The following ZNF280D variants were observed in gnomAD, a reference collection of about 807,000 sequenced individuals.
The protein encoded by ZNF280D is suppressor of hairy wing homolog 4.
In ZNF280D, 39 loss-of-function variants were observed where a neutral mutation model predicts 94.7. The observed-to-expected ratio is 0.41, with a 90% confidence interval of 0.32 to 0.54. The LOEUF is 0.54. Ranked by LOEUF, ZNF280D falls within the 20% of genes least tolerant of loss-of-function variation. The pLI is 0.22. For synonymous variants in ZNF280D, 398 were observed against 377.6 expected, an observed-to-expected ratio of 1.05 and a Z score of -0.63; for missense variants, 1,090 against 1,149.3, an observed-to-expected ratio of 0.95 and a Z score of 0.75.
chr15:56,713,033 C>T (rs1261764101), intron 1 of ZNF280D, among the ~76,000 whole-genome samples: 2 of 152,060 alleles, frequency 1.3e-5, no homozygotes, highest in Admixed American at 1.3e-4. Context: ...AGCCACCATG[C>T]CCGGTCAAAT....
chr15:56,686,053 A>C (rs781495730), intron 9 of ZNF280D, among the ~76,000 whole-genome samples: 1 of 152,234 alleles, frequency 6.6e-6, no homozygotes, highest in Non-Finnish European at 1.5e-5. Context: ...GTCTAACATC[A>C]AAGTAGAATT....
chr15:56,669,131 G>C (rs1458181619), intron 13 of ZNF280D, among the ~76,000 whole-genome samples, 174 bp from the exon 14 acceptor site: 1 of 151,914 alleles, frequency 6.6e-6, no homozygotes. Context: ...CATTACATTA[G>C]TATTTGGGTT....
chr15:56,687,482 C>A (rs1165389476), intron 9 of ZNF280D, among the ~76,000 whole-genome samples: 1 of 151,748 alleles, frequency 6.6e-6, no homozygotes, highest in African/African-American at 2.4e-5. Flanking sequence ...AGAAAGAAAC[C>A]CAGGGAGCAT....
chr15:56,698,556 T>C (rs796571520), intron 6 of ZNF280D: 11 of 152,300 alleles, frequency 7.2e-5, no homozygotes, highest in African/African-American at 2.6e-4. Context: ...CATGTAAATG[T>C]CATTACCCAT....
rs149395461 is a variant in ZNF280D at position 56,716,161 on chromosome 15, T to C, written c.-85-8855A>G. Among the ~76,000 whole-genome samples, 1,124 of 152,144 alleles carry C rather than the reference T, an allele frequency of 7.4e-3. 9 individuals are homozygous for C. Among genetic ancestry groups the C allele is most frequent in the Middle Eastern group, 0.024 (7 of 294 alleles). On this transcript the variant is annotated intron_variant, in intron 1 of 21. Transcript: ENST00000267807. ...GTACTGATTGAACATTTACTGTGTGTCGGGTAGGAATACAATAATGAACAA... is the reference window on the plus strand; with the variant it reads ...GTACTGATTGAACATTTACTGTGTGCCGGGTAGGAATACAATAATGAACAA...
chr15:56,715,331 T>C (rs1476364638), intron 1 of ZNF280D, among the ~76,000 whole-genome samples: 1 of 152,118 alleles, frequency 6.6e-6, no homozygotes, highest in Non-Finnish European at 1.5e-5. Flanking sequence ...ATACAGTGTA[T>C]ATAAAGTACA....
rs148727167 is a variant in ZNF280D at position 56,686,978 on chromosome 15, CATT to C, written c.780+2060_780+2062del. On this transcript the variant is annotated intron_variant, in intron 9 of 21. Coordinates refer to ENST00000267807, the MANE Select transcript of ZNF280D (RefSeq NM_017661.4). ...TAAATATTTTTCCATTGAAAGAAAA[CATT>C]ATATGCTAGTTGGCAAAAAAATCAT... 0.013 allele frequency among the ~76,000 whole-genome samples: 1,914 copies of C among 152,044 alleles called. 200 individuals are homozygous for C. The East Asian group carries it at 0.26, about 21-fold the overall frequency.
At chr15:56,669,935 AT>A (rs1459995473) in intron 13 of ZNF280D, among the ~76,000 whole-genome samples, 301 of 8,732 alleles carry the variant, frequency 0.034, 82 homozygotes, top group African/African-American at 0.11. Flanking sequence ...TTATATATAT[AT>A]TATATATATA....
rs149869177 is a variant in ZNF280D, at chr15:56,719,477, C to T, written c.-85-12171G>A. ...AGTGGATGCAGCCTGAGGCCCTCAC[C>T]AGAAGCCAAGCAGATGCTGGTACCA... On this transcript the variant is annotated intron_variant, in intron 1 of 21. Transcript: ENST00000267807. 3.9e-5 allele frequency among the ~76,000 whole-genome samples: 6 copies of T among 152,262 alleles called. No individual in the cohort carries two copies. In the East Asian group the frequency reaches 1.2e-3, roughly 29 times the overall value.
At chr15:56,650,483 G>A (rs2053146367) in intron 19 of ZNF280D, among the ~76,000 whole-genome samples, 1 of 152,110 alleles carries the variant, frequency 6.6e-6, no homozygotes. Flanking sequence ...TATTTTGACT[G>A]TCAATGTCTT....
chr15:56,702,910 AACACACACACAC>A (rs59095987), intron 4 of ZNF280D, among the ~76,000 whole-genome samples: 1,962 of 135,746 alleles, frequency 0.014, 19 homozygotes, highest in Middle Eastern at 0.018. Flanking sequence ...ATGGTAAGTA[AACACACACACAC>A]ACACACACAC....
At position 56,631,337 on chromosome 15, in the gene ZNF280D, G is replaced by C. The variant is rs776820827; in HGVS notation, c.*161C>G. The stretch of plus-strand genomic sequence containing the variant: ...CTAATCATGCTATTATTGGTGAATT[G>C]ATTTGTTTGATAACATAGGTTGAAC... On this transcript the variant is annotated 3_prime_UTR_variant, in exon 22 of 22. Transcript: ENST00000267807. 4.3e-6 allele frequency: 3 copies of C among 704,062 alleles called. No homozygotes were observed. Among genetic ancestry groups the C allele is most frequent in the Non-Finnish European group, 4.6e-6 (2 of 433,496 alleles). The allele number at this position is 704,062 out of a possible 1,614,324, so 43.6% of individuals were successfully genotyped here. A position where few individuals can be genotyped will look rare whatever the true frequency, so the allele number is the denominator to read the frequency against.
intron 20 of ZNF280D, among the ~76,000 whole-genome samples, chr15:56,642,580 T>C (rs905253275): frequency 6.6e-6 from 1 of 151,770 alleles, no homozygotes; most frequent in African/African-American, 2.4e-5. Flanking sequence ...AGTTTAACCT[T>C]TTGACAGTTA....
chr15:56,724,205 T>C (rs2141441977), intron 1 of ZNF280D, among the ~76,000 whole-genome samples: 1 of 152,366 alleles, frequency 6.6e-6, no homozygotes, highest in East Asian at 1.9e-4. Flanking sequence ...AGCTGGGGAC[T>C]GTCTGTACTT....
rs1555407406 is a variant in ZNF280D, at chr15:56,669,873, T to TA, written c.1411-917_1411-916insT. Among the ~76,000 whole-genome samples the TA allele has an allele frequency of 3.4e-3, 29 of 8,484 alleles. 2 individuals carry two copies. Among genetic ancestry groups the TA allele is most frequent in the African/African-American group, 0.011 (26 of 2,416 alleles). The allele number at this position is 8,484 out of a possible 152,430, so 5.6% of individuals were successfully genotyped here. Reference sequence around the variant, plus strand: ...TCATTATTTTATATATATATATATTTTATATATATATATATTATATATATA... The same window carrying TA: ...TCATTATTTTATATATATATATATTTATATATATATATATATTATATATATA... On this transcript the variant is annotated intron_variant, in intron 13 of 21. Transcript: ENST00000267807.
intron 21 of ZNF280D, among the ~76,000 whole-genome samples, chr15:56,634,777 T>C (rs1408062062): frequency 1.3e-5 from 2 of 152,236 alleles, no homozygotes; most frequent in African/African-American, 2.4e-5. Flanking sequence ...TTTGAAACTA[T>C]TGTGATCCTA....
At chr15:56,709,186 A>C (rs1429555869) in intron 1 of ZNF280D, among the ~76,000 whole-genome samples, 5 of 152,344 alleles carry the variant, frequency 3.3e-5, no homozygotes, top group Admixed American at 2.6e-4. Context: ...ACCTCATCAA[A>C]AAGTGGGCAA....
intron 1 of ZNF280D, among the ~76,000 whole-genome samples, chr15:56,719,109 A>G (rs926239187): frequency 6.6e-6 from 1 of 152,170 alleles, no homozygotes; most frequent in Non-Finnish European, 1.5e-5. Context: ...CTCAGCTATC[A>G]ATTCTCAACA....
chr15:56,640,643 T>C (rs2052584207), intron 20 of ZNF280D, among the ~76,000 whole-genome samples: 1 of 152,166 alleles, frequency 6.6e-6, no homozygotes, highest in Admixed American at 6.6e-5. Context: ...ATGAGCAAAC[T>C]GTCATGTACA....
Sources: gnomAD v4.1 joint callset for allele counts (sites outside exome capture counted in the v4.1 genomes callset) on GRCh38, gnomAD v4.1.1 for gene constraint, MANE v1.5 for transcripts, NCBI Gene and HGNC (gene_info 2026-07-23, HGNC 2026-07-21) for gene names.